DNER: variants seen among roughly 807,000 people sequenced by gnomAD.
DNER encodes the protein delta and Notch-like epidermal growth factor-related receptor.
DNER carries 33 observed loss-of-function variants against 78.2 expected under a neutral mutation model. The observed-to-expected ratio is 0.42, with a 90% CI of 0.32 to 0.56. The LOEUF (loss-of-function observed/expected upper bound fraction) is 0.56. DNER is among the 20% of genes least tolerant of loss of function. The pLI is 0.11. For missense variants in DNER, 918 were observed against 975.3 expected, an observed-to-expected ratio of 0.94 and a Z score of 0.78; for synonymous variants, 417 against 384.8, an observed-to-expected ratio of 1.08 and a Z score of -0.98.
At chr2:229,427,537 C>T (rs564169942) in intron 8 of DNER, among the ~76,000 whole-genome samples, 1 of 152,088 alleles carries the variant, frequency 6.6e-6, no homozygotes, top group South Asian at 2.1e-4. Context: ...GAAGTATAAG[C>T]AATGAGGGGC....
intron 4 of DNER, among the ~76,000 whole-genome samples, chr2:229,578,623 C>T (rs976090116): frequency 2.0e-5 from 3 of 152,164 alleles, no homozygotes; most frequent in African/African-American, 7.2e-5. Context: ...TTCAATACTG[C>T]CAGCAGCCCT....
chr2:229,364,604 G>C (rs1241379310), intron 12 of DNER, among the ~76,000 whole-genome samples: 1 of 152,044 alleles, frequency 6.6e-6, no homozygotes, highest in Non-Finnish European at 1.5e-5. Flanking sequence ...AGCAAGACTG[G>C]GTGCAGCTCC....
chr2:229,619,205 A>T (rs1259078038), intron 1 of DNER, among the ~76,000 whole-genome samples: 3 of 152,082 alleles, frequency 2.0e-5, no homozygotes, highest in Admixed American at 2.0e-4. Context: ...TTACTTACCT[A>T]GCATATGCCA....
chr2:229,591,719 G>A lies in DNER; in HGVS notation c.446C>T (p.Ala149Val). 6.2e-7 allele frequency: 1 copy of A among 1,614,212 alleles called. No individual in the cohort carries two copies. Among genetic ancestry groups the A allele is most frequent in the East Asian group, 2.2e-5 (1 of 44,882 alleles). ...LPATGWTESM[A>V]PRQLQPVPAT... ...AGGAACAGGCTGAAGCTGTCGGGGT[G>A]CCATGGATTCGGTCCAGCCAGTGGC... Residue 149 changes from alanine (A) to valine (V), a missense_variant, in exon 2 of 13, where the codon GCA becomes GTA. Ala to Val is a moderately conservative substitution (Grantham distance 64). Transcript: ENST00000341772. This position sits in a 1 kb window ranked among gnomAD's most constrained non-coding sequence, Gnocchi z 4.6.
rs1353324069 is a variant in DNER, at chr2:229,358,036, A to T, written c.*504T>A. ...TAAGTTACTTACCCATGCACAGAAT[A>T]AGGCAAAGGCTAATTTCATTCGGGT... On this transcript the variant is annotated 3_prime_UTR_variant, in exon 13 of 13. Coordinates refer to ENST00000341772, the MANE Select transcript of DNER (RefSeq NM_139072.4). 7 of 152,754 alleles carry T rather than the reference A, an allele frequency of 4.6e-5. No homozygotes were observed. Among genetic ancestry groups the T allele is most frequent in the Non-Finnish European group, 1.0e-4 (7 of 68,110 alleles). 9.5% of individuals were successfully genotyped at this position (152,754 alleles called of 1,614,324 possible).
At chr2:229,530,159 A>C (rs1696277254) in intron 5 of DNER, among the ~76,000 whole-genome samples, 1 of 152,250 alleles carries the variant, frequency 6.6e-6, no homozygotes, top group Non-Finnish European at 1.5e-5. Flanking sequence ...ACCTAAACAC[A>C]CATGCATAAT....
intron 4 of DNER, among the ~76,000 whole-genome samples, chr2:229,564,526 A>C (rs1574905653): frequency 1.5e-5 from 2 of 129,266 alleles, no homozygotes; most frequent in Admixed American, 7.9e-5. Context: ...TCCTTACCCC[A>C]TCACCATCAT....
At chr2:229,567,217 A>G (rs1479086396) in intron 4 of DNER, among the ~76,000 whole-genome samples, 1 of 152,186 alleles carries the variant, frequency 6.6e-6, no homozygotes, top group Non-Finnish European at 1.5e-5. Context: ...TTTATTATCA[A>G]CTACAGTCAT....
intron 11 of DNER, among the ~76,000 whole-genome samples, chr2:229,371,951 A>G (rs1366033552): frequency 6.6e-6 from 1 of 152,236 alleles, no homozygotes; most frequent in Non-Finnish European, 1.5e-5. Context: ...AGGGATGTCA[A>G]ATTACTTTGT....
Position 229,714,520 on chromosome 2 carries a change from A to G in DNER, c.-97T>C. The G allele has an allele frequency of 1.9e-6, 2 of 1,044,328 alleles. No homozygotes were observed. The highest frequency in any genetic ancestry group is 1.7e-5 in the African/African-American group (1 of 57,732). 64.7% of individuals were successfully genotyped at this position (1,044,328 alleles called of 1,614,324 possible). ...AGCTGCGAGAGCGACGGTGGCGGCT[A>G]GGGCTGCTCCGCCGGGCCGGGCGCC... On this transcript the variant is annotated 5_prime_UTR_variant, in exon 1 of 13. Transcript: ENST00000341772.
chr2:229,552,681 G>A (rs889483748), intron 4 of DNER, among the ~76,000 whole-genome samples: 5 of 152,134 alleles, frequency 3.3e-5, no homozygotes, highest in South Asian at 2.1e-4. Flanking sequence ...CAATCCCTGC[G>A]GAACTGTGAG....
At chr2:229,409,764 C>T (rs1407925206) in intron 9 of DNER, among the ~76,000 whole-genome samples, 1 of 152,152 alleles carries the variant, frequency 6.6e-6, no homozygotes, top group Admixed American at 6.6e-5. Context: ...AAAAGCTAAT[C>T]TTCACAGAAA....
chr2:229,625,765 C>G (rs1421783932), intron 1 of DNER, among the ~76,000 whole-genome samples: 1 of 152,064 alleles, frequency 6.6e-6, no homozygotes, highest in Non-Finnish European at 1.5e-5. Context: ...GCCTTGGTAG[C>G]AGGAATGCAA....
At chr2:229,428,722 A>G (rs1693938619) in intron 8 of DNER, among the ~76,000 whole-genome samples, 1 of 152,120 alleles carries the variant, frequency 6.6e-6, no homozygotes, top group South Asian at 2.1e-4. Context: ...AAATCTGACT[A>G]TATAGCCAAG....
intron 1 of DNER, among the ~76,000 whole-genome samples, chr2:229,708,651 G>A (rs1014468408): frequency 2.6e-5 from 4 of 152,126 alleles, no homozygotes; most frequent in Admixed American, 2.0e-4. Flanking sequence ...TTCAGACTAG[G>A]TTTTCTTTCT....
intron 8 of DNER, among the ~76,000 whole-genome samples, chr2:229,433,750 C>G (rs1398339589): frequency 6.6e-6 from 1 of 152,076 alleles, no homozygotes; most frequent in Non-Finnish European, 1.5e-5. Flanking sequence ...GAGTAACATA[C>G]AGACCAGTAG....
chr2:229,493,713 T>C (rs1695449932), intron 6 of DNER, among the ~76,000 whole-genome samples: 2 of 152,238 alleles, frequency 1.3e-5, no homozygotes, highest in Admixed American at 1.3e-4. Flanking sequence ...TGTGTCAGGC[T>C]CCAGGCTAGG....
chr2:229,583,314 C>T (rs1011862077), intron 4 of DNER, among the ~76,000 whole-genome samples: 1 of 152,192 alleles, frequency 6.6e-6, no homozygotes, highest in Non-Finnish European at 1.5e-5. Context: ...AGCTTAGCCT[C>T]GCCTAATTTA....
intron 1 of DNER, among the ~76,000 whole-genome samples, chr2:229,645,576 CTG>C (rs1365534993): frequency 2.0e-5 from 3 of 152,194 alleles, no homozygotes; most frequent in Non-Finnish European, 4.4e-5. Flanking sequence ...TGTAGGACGA[CTG>C]TAATTTATCC....
Sources: allele counts gnomAD v4.1 joint callset (sites outside exome capture counted in the v4.1 genomes callset), GRCh38; gene constraint gnomAD v4.1.1; non-coding constraint Gnocchi (gnomAD v3.1); transcripts MANE v1.5; gene names NCBI Gene and HGNC (gene_info 2026-07-23, HGNC 2026-07-21).